Variants in CNTN5 observed in about 807,000 individuals in gnomAD.
The protein encoded by CNTN5 is contactin 5.
In CNTN5, 77 loss-of-function variants were observed where a neutral mutation model predicts 129.1. That is an observed-to-expected ratio of 0.60 (90% CI 0.50 to 0.72). CNTN5 has a LOEUF of 0.72. CNTN5 is among the 30% of genes least tolerant of loss of function. The pLI is 0.00. For synonymous variants in CNTN5, 509 were observed against 465.6 expected (o/e 1.09, Z -1.20); for missense variants, 1,478 against 1,328.8 (o/e 1.11, Z -1.75).
At chr11:99,478,366 G>C (rs1218558514) in intron 2 of CNTN5, among the ~76,000 whole-genome samples, 1 of 152,114 alleles carries the variant, frequency 6.6e-6, no homozygotes, top group East Asian at 1.9e-4. Flanking sequence ...TTGCCATGTG[G>C]ATCTCTCTAC....
intron 1 of CNTN5, among the ~76,000 whole-genome samples, chr11:99,240,653 GT>G (rs1227465095): frequency 1.3e-5 from 2 of 151,960 alleles, no homozygotes; most frequent in African/African-American, 2.4e-5. Context: ...CTTTTTAGAA[GT>G]TTTTATCATT....
intron 4 of CNTN5, among the ~76,000 whole-genome samples, chr11:99,824,490 A>C (rs1322276065): frequency 6.6e-6 from 1 of 152,038 alleles, no homozygotes; most frequent in Non-Finnish European, 1.5e-5. Flanking sequence ...TTTACAAATC[A>C]GTTGGTCACT....
chr11:100,273,295 T>A (rs1950441422), intron 18 of CNTN5, among the ~76,000 whole-genome samples: 1 of 152,020 alleles, frequency 6.6e-6, no homozygotes, highest in African/African-American at 2.4e-5. Context: ...GTCCCCGACA[T>A]CCCTCCATGG....
At position 99,314,800 on chromosome 11, in the gene CNTN5, C is replaced by T. The variant is rs2511794; in HGVS notation, c.-209-10546C>T. Among the ~76,000 whole-genome samples the T allele has an allele frequency of 2.7e-3, 354 of 132,030 alleles. 11 individuals are homozygous for T. The highest frequency in any genetic ancestry group is 8.7e-3 in the African/African-American group (336 of 38,524). 86.6% of individuals were successfully genotyped at this position (132,030 alleles called of 152,430 possible). On this transcript the variant is annotated intron_variant, in intron 1 of 24. Coordinates refer to ENST00000524871, the MANE Select transcript of CNTN5 (RefSeq NM_014361.4). ...GGTGCACATGTGTAATTAAAATATC[C>T]ATAACACTTTAAGATGGATGCTCTA...
At chr11:99,535,050 A>C (rs548403439) in intron 2 of CNTN5, among the ~76,000 whole-genome samples, 1 of 152,296 alleles carries the variant, frequency 6.6e-6, no homozygotes, top group East Asian at 1.9e-4. Context: ...TGTAGTATGT[A>C]TGCCATAGGT....
intron 2 of CNTN5, among the ~76,000 whole-genome samples, chr11:99,421,473 G>A (rs868837665): frequency 2.0e-4 from 31 of 152,078 alleles, no homozygotes; most frequent in African/African-American, 7.0e-4. Context: ...GCTCTTCGTC[G>A]CTGTTGCAAG....
intron 13 of CNTN5, among the ~76,000 whole-genome samples, chr11:100,103,433 T>A (rs925399398): frequency 2.6e-5 from 4 of 152,198 alleles, no homozygotes; most frequent in African/African-American, 9.6e-5. Flanking sequence ...GACAACCTTG[T>A]AATGGGAATT....
At chr11:99,256,777 A>G (rs1862395541) in intron 1 of CNTN5, among the ~76,000 whole-genome samples, 1 of 152,132 alleles carries the variant, frequency 6.6e-6, no homozygotes. Context: ...ATGAAACTGA[A>G]TTCACAAACT....
intron 9 of CNTN5, among the ~76,000 whole-genome samples, chr11:100,027,337 A>G (rs1209774252): frequency 1.3e-5 from 2 of 152,150 alleles, no homozygotes; most frequent in Admixed American, 6.6e-5. Context: ...TTATTCTTTC[A>G]GTTCCTATAT....
rs573110145 is a variant in CNTN5, at chr11:100,265,944, T to C, written c.2165-5148T>C. On this transcript the variant is annotated intron_variant, in intron 17 of 24. Transcript: ENST00000524871. ...TTATGTCTACTTAGGAATATAAAAT[T>C]GCCTATAATCATAGAATTCATTGGT... is the stretch of plus-strand genomic sequence containing the variant. Among the ~76,000 whole-genome samples, 12 of 152,298 alleles carry C rather than the reference T, an allele frequency of 7.9e-5. No individual in the cohort carries two copies. The South Asian group carries it at 2.5e-3, about 32-fold the overall frequency.
At position 100,352,686 on chromosome 11, in the gene CNTN5, T is replaced by G. The variant is rs149036098; in HGVS notation, c.3199+1816T>G. 2.7e-3 allele frequency among the ~76,000 whole-genome samples: 405 copies of G among 151,898 alleles called. 3 individuals are homozygous for G. Among genetic ancestry groups the G allele is most frequent in the African/African-American group, 9.1e-3 (378 of 41,518 alleles). ...GGTGAAAAGATCTAAGAATTTAAAT[T>G]TTATTGTGGTCACACAAAAATTTAA... On this transcript the variant is annotated intron_variant, in intron 24 of 24. Transcript: ENST00000524871.
intron 1 of CNTN5, among the ~76,000 whole-genome samples, chr11:99,271,349 CTG>C (rs1863162948): frequency 6.6e-6 from 1 of 151,754 alleles, no homozygotes; most frequent in South Asian, 2.1e-4. Context: ...ATCCTGGAAA[CTG>C]TTAGTTCTAC....
At chr11:99,754,046 C>T (rs979119114) in intron 3 of CNTN5, among the ~76,000 whole-genome samples, 2 of 151,306 alleles carry the variant, frequency 1.3e-5, no homozygotes, top group Admixed American at 6.6e-5. Context: ...TGATACAACA[C>T]ATTTATGTGT....
chr11:99,582,659 A>G (rs1366903783), intron 3 of CNTN5, among the ~76,000 whole-genome samples: 3 of 152,118 alleles, frequency 2.0e-5, no homozygotes, highest in Non-Finnish European at 4.4e-5. Flanking sequence ...TTCTCATGCC[A>G]TGCTTTTCAG....
chr11:99,318,898 G>A (rs1363109470), intron 1 of CNTN5, among the ~76,000 whole-genome samples: 1 of 152,142 alleles, frequency 6.6e-6, no homozygotes, highest in Admixed American at 6.5e-5. Flanking sequence ...AAATATCCTT[G>A]AAAAGACAAA....
intron 1 of CNTN5, among the ~76,000 whole-genome samples, chr11:99,097,648 A>C (rs1416544827): frequency 6.6e-6 from 1 of 151,988 alleles, no homozygotes; most frequent in Non-Finnish European, 1.5e-5. Flanking sequence ...ATGCTTCACC[A>C]AAACCTTTAT....
At chr11:99,173,040 T>G (rs1195296655) in intron 1 of CNTN5, among the ~76,000 whole-genome samples, 1 of 152,170 alleles carries the variant, frequency 6.6e-6, no homozygotes, top group Non-Finnish European at 1.5e-5. Context: ...AGAGAGCTTA[T>G]GCAGGGCAAC....
At chr11:99,656,945 G>A (rs1158188904) in intron 3 of CNTN5, among the ~76,000 whole-genome samples, 1 of 148,594 alleles carries the variant, frequency 6.7e-6, no homozygotes, top group Non-Finnish European at 1.5e-5. Flanking sequence ...CAGACATTTT[G>A]AAAAAAAAAA....
At chr11:99,782,988 T>TA (rs1462053134) in intron 3 of CNTN5, among the ~76,000 whole-genome samples, 1 of 151,308 alleles carries the variant, frequency 6.6e-6, no homozygotes, top group Non-Finnish European at 1.5e-5. Context: ...GGGATCTAAT[T>TA]AAAGAGCTTC....
Sources: gnomAD v4.1 joint callset for allele counts (sites outside exome capture counted in the v4.1 genomes callset) on GRCh38, gnomAD v4.1.1 for gene constraint, MANE v1.5 for transcripts, NCBI Gene and HGNC (gene_info 2026-07-23, HGNC 2026-07-21) for gene names.